The following KDM4C variants were observed in gnomAD, a reference collection of about 807,000 sequenced individuals.
KDM4C encodes the protein lysine-specific demethylase 4C.
In KDM4C, 81 loss-of-function variants were observed where a neutral mutation model predicts 129.3. The ratio of observed to expected loss-of-function variants is 0.63; its 90% CI spans 0.52 to 0.75. The LOEUF is 0.75. Among genes scored for constraint, KDM4C ranks in the 30% least tolerant of loss-of-function variants. The probability of loss-of-function intolerance (pLI) is 0.00; values close to 1 mark genes in which losing one functional copy is unlikely to be tolerated. For missense variants in KDM4C, 1,457 were observed against 1,304.0 expected, an observed-to-expected ratio of 1.12 and a Z score of -1.81; for synonymous variants, 573 against 456.1, an observed-to-expected ratio of 1.26 and a Z score of -3.26.
intron 9 of KDM4C, chr9:6,981,974 CTATATATTTAT>C (rs1816838189): frequency 6.3e-6 from 1 of 159,916 alleles, no homozygotes; most frequent in Non-Finnish European, 1.5e-5. Flanking sequence ...TATCCTTTAC[CTATATATTTAT>C]TATATATTTT....
chr9:6,980,253 G>A (rs947678212), intron 8 of KDM4C, among the ~76,000 whole-genome samples: 1 of 152,138 alleles, frequency 6.6e-6, no homozygotes, highest in African/African-American at 2.4e-5. Context: ...AGATGTGACT[G>A]ATAACTATGT....
intron 4 of KDM4C, among the ~76,000 whole-genome samples, chr9:6,816,186 A>C (rs565980935): frequency 2.0e-5 from 3 of 152,304 alleles, no homozygotes; most frequent in African/African-American, 7.2e-5. Context: ...TTTGGCATCT[A>C]TGGCATTCAT....
Position 7,035,613 on chromosome 9 carries a change from T to C in KDM4C, c.2260-11249T>C, listed in dbSNP as rs10975998. ...ATGTTTTCTTCTCATAGTTTTATTG[T>C]TTCAGATCTTAGGTTTAGGTCTTTG... is the stretch of plus-strand genomic sequence containing the variant. On this transcript the variant is annotated intron_variant, in intron 15 of 21. Transcript: ENST00000381309. 2.5e-3 allele frequency among the ~76,000 whole-genome samples: 376 copies of C among 152,248 alleles called. 9 individuals are homozygous for C. In the East Asian group the frequency reaches 0.026, roughly 11 times the overall value.
At chr9:7,048,150 T>G (rs193232111) in intron 16 of KDM4C, among the ~76,000 whole-genome samples, 280 of 152,224 alleles carry the variant, frequency 1.8e-3, no homozygotes, top group African/African-American at 6.4e-3. Flanking sequence ...TACTGTGAGA[T>G]GGTTTAGGTG....
upstream of KDM4C, among the ~76,000 whole-genome samples, chr9:6,755,944 G>A (rs1818242320): frequency 6.6e-6 from 1 of 152,122 alleles, no homozygotes; most frequent in South Asian, 2.1e-4. Context: ...AAATTAAAAA[G>A]TGCTCAGTGA....
chr9:7,036,897 A>T (rs1827748354), intron 15 of KDM4C, among the ~76,000 whole-genome samples: 3 of 152,222 alleles, frequency 2.0e-5, no homozygotes, highest in African/African-American at 7.2e-5. Context: ...TAAGTGAGAG[A>T]ACTTACTTGC....
intron 19 of KDM4C, among the ~76,000 whole-genome samples, chr9:7,137,153 A>C (rs763574375): frequency 6.6e-6 from 1 of 152,152 alleles, no homozygotes; most frequent in Non-Finnish European, 1.5e-5. Flanking sequence ...CTGTCGTGAG[A>C]GAGGGTTAAG....
At chr9:6,838,067 T>G (rs1468939872) in intron 4 of KDM4C, among the ~76,000 whole-genome samples, 2 of 152,266 alleles carry the variant, frequency 1.3e-5, no homozygotes, top group Non-Finnish European at 2.9e-5. Flanking sequence ...TTTCTCTTAT[T>G]TAACTCTTTC....
intron 1 of KDM4C, among the ~76,000 whole-genome samples, chr9:6,752,126 G>A (rs1337091384): frequency 1.3e-5 from 2 of 150,312 alleles, no homozygotes; most frequent in East Asian, 4.0e-4. Flanking sequence ...GAGGTCAGGA[G>A]ATCGAGACCA....
intron 4 of KDM4C, among the ~76,000 whole-genome samples, chr9:6,834,039 T>C (rs925492945): frequency 8.0e-5 from 11 of 137,228 alleles, no homozygotes; most frequent in African/African-American, 2.6e-4. Context: ...ACTCAAGAGA[T>C]AGTCTTTTTT....
rs570549519 is a variant in KDM4C at position 7,019,492 on chromosome 9, T to C, written c.2259+3563T>C. 2.0e-5 allele frequency among the ~76,000 whole-genome samples: 3 copies of C among 151,934 alleles called. No homozygotes were observed. In the South Asian group the frequency reaches 6.2e-4, roughly 32 times the overall value. ...TGCCTTGTGAAGGTAAGGTTATTCA[T>C]CAGGAACGTAAAATATTCCTATAGC... On this transcript the variant is annotated intron_variant, in intron 15 of 21. Coordinates refer to ENST00000381309, the MANE Select transcript of KDM4C (RefSeq NM_015061.6).
At chr9:7,152,891 A>T (rs1842845830) in intron 19 of KDM4C, among the ~76,000 whole-genome samples, 1 of 152,208 alleles carries the variant, frequency 6.6e-6, no homozygotes, top group Non-Finnish European at 1.5e-5. Context: ...CATGTATAGG[A>T]TGTCCTAATT....
intron 1 of KDM4C, among the ~76,000 whole-genome samples, chr9:6,781,702 T>C (rs1824373970): frequency 6.6e-6 from 1 of 152,184 alleles, no homozygotes; most frequent in African/African-American, 2.4e-5. Context: ...AGAAAGCCTT[T>C]GTTTGGCCTC....
In KDM4C at chr9:7,049,112, C is replaced by A; in HGVS notation, c.2336C>A (p.Ala779Asp). Residue 779 changes from alanine to aspartate, a missense_variant, in exon 17 of 22, where the codon GCC becomes GAC. Transcript: ENST00000381309. ...KNNKWAHVMC[A>D]VAVPEVRFTN... ...TGTAGGTGGGCCCATGTCATGTGCGCCGTTGCGGTCCCAGAAGTTCGATTC... is the reference window on the plus strand; with the variant it reads ...TGTAGGTGGGCCCATGTCATGTGCGACGTTGCGGTCCCAGAAGTTCGATTC... 1 of 1,612,188 alleles carries A rather than the reference C, an allele frequency of 6.2e-7. No individual in the cohort carries two copies. The highest frequency in any genetic ancestry group is 8.5e-7 in the Non-Finnish European group (1 of 1,178,612).
At chr9:6,841,635 C>T (rs1836929021) in intron 4 of KDM4C, among the ~76,000 whole-genome samples, 1 of 152,154 alleles carries the variant, frequency 6.6e-6, no homozygotes, top group South Asian at 2.1e-4. Context: ...TTTGTGTGTT[C>T]AGTTGGAAGT....
At chr9:6,822,387 T>G (rs1435093960) in intron 4 of KDM4C, among the ~76,000 whole-genome samples, 2 of 152,206 alleles carry the variant, frequency 1.3e-5, no homozygotes, top group Non-Finnish European at 2.9e-5. Flanking sequence ...GGGATATAAA[T>G]AAAATTGGAA....
intron 8 of KDM4C, among the ~76,000 whole-genome samples, chr9:6,974,275 C>T (rs1768828586): frequency 6.6e-6 from 1 of 152,166 alleles, no homozygotes; most frequent in Non-Finnish European, 1.5e-5. Context: ...ATCAGTATAC[C>T]TGAACATTTT....
At chr9:6,822,559 C>T (rs575541217) in intron 4 of KDM4C, among the ~76,000 whole-genome samples, 147 of 152,282 alleles carry the variant, frequency 9.7e-4, no homozygotes, top group Middle Eastern at 3.4e-3. Flanking sequence ...TCTTTGGAAA[C>T]AGTACATACA....
chr9:7,127,801 C>G, intron 18 of KDM4C: 1 of 300,222 alleles, frequency 3.3e-6, no homozygotes, highest in Non-Finnish European at 6.1e-6. Flanking sequence ...TGTTTTCTCT[C>G]TCTCTTTGTA....
Sources: gnomAD v4.1 joint callset for allele counts (sites outside exome capture counted in the v4.1 genomes callset) on GRCh38, gnomAD v4.1.1 for gene constraint, MANE v1.5 for transcripts, NCBI Gene and HGNC (gene_info 2026-07-23, HGNC 2026-07-21) for gene names.